The following GLI2 variants were observed in gnomAD, a reference collection of about 807,000 sequenced individuals.
GLI2 encodes the protein transcription activator GLI2.
Under a neutral mutation model 78.9 loss-of-function variants are expected in GLI2, and 22 were observed. The ratio of observed to expected loss-of-function variants is 0.28; its 90% confidence interval spans 0.20 to 0.40. GLI2 has a LOEUF of 0.40. Ranked by LOEUF, GLI2 falls within the 10% of genes least tolerant of loss-of-function variation. The probability of loss-of-function intolerance (pLI) is 1.00; values close to 1 mark genes in which losing one functional copy is unlikely to be tolerated. For missense variants in GLI2, 2,097 were observed against 2,213.2 expected (o/e 0.95, Z 1.05); for synonymous variants, 974 against 963.7 (o/e 1.01, Z -0.20).
At chr2:120,828,616 C>T (rs1686199231) in intron 2 of GLI2, among the ~76,000 whole-genome samples, 3 of 152,156 alleles carry the variant, frequency 2.0e-5, no homozygotes, top group Admixed American at 2.0e-4. Flanking sequence ...ATCTGCCCTG[C>T]CCCGTTTCTC....
At position 120,992,156 on chromosome 2, in the gene GLI2, G is replaced by A. The variant is rs1293377004; in HGVS notation, c.*1481G>A. ...CCTTAATGAGGAACTTCTTAGGAGA[G>A]TTTGAGGACAAGGCCAACATCGTCA... is the stretch of plus-strand genomic sequence containing the variant. On this transcript the variant is annotated 3_prime_UTR_variant, in exon 14 of 14. Transcript: ENST00000361492. 6.6e-6 allele frequency: 1 copy of A among 152,564 alleles called. No homozygotes were observed. Among genetic ancestry groups the A allele is most frequent in the Non-Finnish European group, 1.5e-5 (1 of 68,036 alleles). 9.5% of individuals were successfully genotyped at this position (152,564 alleles called of 1,614,324 possible).
At chr2:120,949,448 C>T (rs1030871645) in intron 3 of GLI2, among the ~76,000 whole-genome samples, 1 of 152,226 alleles carries the variant, frequency 6.6e-6, no homozygotes, top group African/African-American at 2.4e-5. Context: ...AGAAGAGCCT[C>T]GGACATGCCC....
intron 1 of GLI2, among the ~76,000 whole-genome samples, chr2:120,778,154 T>C (rs1573368818): frequency 6.6e-6 from 1 of 152,152 alleles, no homozygotes; most frequent in East Asian, 1.9e-4. Flanking sequence ...GTTGTGCTGC[T>C]GAAGCCTTGT....
At chr2:120,791,005 A>T (rs1479576665) in intron 1 of GLI2, among the ~76,000 whole-genome samples, 1 of 152,060 alleles carries the variant, frequency 6.6e-6, no homozygotes, top group African/African-American at 2.4e-5. Context: ...GTACCCTGGG[A>T]GGGAGGGTAC....
intron 1 of GLI2, among the ~76,000 whole-genome samples, chr2:120,791,482 C>G (rs912655128): frequency 3.9e-5 from 6 of 152,236 alleles, no homozygotes; most frequent in Admixed American, 6.5e-5. Context: ...TTTTAGCTGT[C>G]ATGAGGTTAG....
chr2:120,829,588 A>T (rs1686257696), intron 2 of GLI2, among the ~76,000 whole-genome samples: 1 of 152,220 alleles, frequency 6.6e-6, no homozygotes, highest in South Asian at 2.1e-4. Context: ...TGGGCCTAAC[A>T]GCTGTTTCCC....
chr2:120,964,848 T>G (rs917471613), intron 5 of GLI2, among the ~76,000 whole-genome samples: 2 of 152,242 alleles, frequency 1.3e-5, no homozygotes, highest in African/African-American at 4.8e-5. Flanking sequence ...TCTCTGAAGA[T>G]GGACAGAGAA....
At chr2:120,755,460 C>T (rs1460805467) in intron 1 of GLI2, among the ~76,000 whole-genome samples, 1 of 151,702 alleles carries the variant, frequency 6.6e-6, no homozygotes, top group Non-Finnish European at 1.5e-5. Context: ...TTGGTGGTTT[C>T]CTTATTGCTT....
chr2:120,983,008 A>C lies in GLI2; in HGVS notation c.1632+128A>C. On this transcript the variant is annotated intron_variant, in intron 11 of 13. Coordinates refer to ENST00000361492, the MANE Select transcript of GLI2 (RefSeq NM_001374353.1). The stretch of plus-strand genomic sequence containing the variant: ...CCCGCCCCCGCCACTGACCAGCTAT[A>C]CATCCTCAGATACAGACCAGGACTC... 3 of 790,216 alleles carry C rather than the reference A, an allele frequency of 3.8e-6. No homozygotes were observed. In the East Asian group the frequency reaches 7.9e-5, roughly 21 times the overall value. The allele number at this position is 790,216 out of a possible 1,614,324, so 49.0% of individuals were successfully genotyped here.
chr2:120,839,983 C>A (rs1448064307), intron 2 of GLI2, among the ~76,000 whole-genome samples: 1 of 152,232 alleles, frequency 6.6e-6, no homozygotes, highest in Non-Finnish European at 1.5e-5. Flanking sequence ...TATATCGTTT[C>A]CTTTCTTTCT....
intron 5 of GLI2, among the ~76,000 whole-genome samples, chr2:120,961,644 T>C (rs1020166150): frequency 2.0e-5 from 3 of 151,994 alleles, no homozygotes; most frequent in Non-Finnish European, 4.4e-5. Context: ...ATCAGAGGGG[T>C]GAGAGGGCTG....
chr2:120,750,706 C>T (rs1299064294), intron 1 of GLI2, among the ~76,000 whole-genome samples: 2 of 152,250 alleles, frequency 1.3e-5, no homozygotes, highest in African/African-American at 4.8e-5. Flanking sequence ...TGCTGGTTTA[C>T]ACCATAGTTC....
In GLI2 at chr2:120,804,969, C is replaced by T. The variant is rs1022648107; in HGVS notation, c.148+7501C>T. ...GTCTTCTGGGCAAATCAAGGAACTT[C>T]TCTGAGATTCGTGCAGTGGCGATGG... On this transcript the variant is annotated intron_variant, in intron 2 of 13. Transcript: ENST00000361492. Among the ~76,000 whole-genome samples the T allele has an allele frequency of 5.9e-5, 9 of 152,278 alleles. No individual in the cohort carries two copies. The South Asian group carries it at 6.2e-4, about 10-fold the overall frequency.
At chr2:120,806,137 C>CT (rs1324431404) in intron 2 of GLI2, among the ~76,000 whole-genome samples, 1 of 152,140 alleles carries the variant, frequency 6.6e-6, no homozygotes, top group South Asian at 2.1e-4. Context: ...CTAATAGAAC[C>CT]ATTTATCATT....
At chr2:120,940,510 C>T (rs1384845356) in intron 3 of GLI2, among the ~76,000 whole-genome samples, 1 of 152,176 alleles carries the variant, frequency 6.6e-6, no homozygotes, top group Non-Finnish European at 1.5e-5. Flanking sequence ...GCAGGAAGCC[C>T]TCTCAGATTG....
chr2:120,843,761 G>T (rs1686989744), intron 2 of GLI2, among the ~76,000 whole-genome samples: 1 of 152,094 alleles, frequency 6.6e-6, no homozygotes, highest in Non-Finnish European at 1.5e-5. Flanking sequence ...CTGCCTCCCG[G>T]GTTGAAGTGA....
intron 2 of GLI2, among the ~76,000 whole-genome samples, chr2:120,891,396 T>A (rs1677673135): frequency 6.6e-6 from 1 of 152,180 alleles, no homozygotes; most frequent in Non-Finnish European, 1.5e-5. Context: ...TCTTCTTCAG[T>A]TTCCTTTTCC....
At chr2:120,847,561 C>A (rs902213020) in intron 2 of GLI2, among the ~76,000 whole-genome samples, 2 of 151,086 alleles carry the variant, frequency 1.3e-5, no homozygotes, top group Non-Finnish European at 2.9e-5. Flanking sequence ...TGGAAGGAAG[C>A]GGAGCAATGG....
At chr2:120,779,070 A>G (rs189092338) in intron 1 of GLI2, among the ~76,000 whole-genome samples, 185 of 152,266 alleles carry the variant, frequency 1.2e-3, no homozygotes, top group African/African-American at 4.2e-3. Flanking sequence ...CTATATACCC[A>G]CACCCTTCCC....
Sources: allele counts gnomAD v4.1 joint callset (sites outside exome capture counted in the v4.1 genomes callset), GRCh38; gene constraint gnomAD v4.1.1; transcripts MANE v1.5; gene names NCBI Gene and HGNC (gene_info 2026-07-23, HGNC 2026-07-21).